EPHB1: variants seen among roughly 807,000 people sequenced by gnomAD.
EPHB1 encodes EPH receptor B1.
EPHB1 carries 30 observed loss-of-function variants against 94.4 expected under a neutral mutation model. The ratio of observed to expected loss-of-function variants is 0.32; its 90% CI spans 0.24 to 0.43. The LOEUF is 0.43. Among genes scored for constraint, EPHB1 ranks in the 20% least tolerant of loss-of-function variants. The pLI, the probability that EPHB1 is intolerant of heterozygous loss-of-function variation, is 1.00. For synonymous variants in EPHB1, 522 were observed against 489.1 expected, an observed-to-expected ratio of 1.07 and a Z score of -0.89; for missense variants, 1,055 against 1,308.3, an observed-to-expected ratio of 0.81 and a Z score of 2.99.
Position 135,260,073 on chromosome 3 carries a change from C to G in EPHB1, c.*953C>G, listed in dbSNP as rs1017080813. On this transcript the variant is annotated 3_prime_UTR_variant, in exon 16 of 16. Coordinates refer to ENST00000398015, the MANE Select transcript of EPHB1 (RefSeq NM_004441.5). The stretch of plus-strand genomic sequence containing the variant: ...AAAAAAAAAAGTTTGCAAATTCAGA[C>G]AGGAAACAGGTGAGTGGTTTGAATT... The G allele has an allele frequency of 5.6e-5, 13 of 232,786 alleles. No homozygotes were observed. The highest frequency in any genetic ancestry group is 1.0e-4 in the Non-Finnish European group (12 of 117,568). The allele number at this position is 232,786 out of a possible 1,614,324, so 14.4% of individuals were successfully genotyped here.
intron 3 of EPHB1, among the ~76,000 whole-genome samples, chr3:135,104,896 A>G (rs1164310505): frequency 6.6e-6 from 1 of 152,226 alleles, no homozygotes. Context: ...ACAGCATAGG[A>G]AACAATTCTT....
intron 2 of EPHB1, among the ~76,000 whole-genome samples, chr3:134,937,259 C>T (rs2107707735): frequency 6.6e-6 from 1 of 152,284 alleles, no homozygotes; most frequent in Admixed American, 6.5e-5. Flanking sequence ...ATCCAAAGTC[C>T]CAGGAAAAAG....
chr3:135,067,026 G>A (rs1197919549), intron 3 of EPHB1, among the ~76,000 whole-genome samples: 1 of 152,214 alleles, frequency 6.6e-6, no homozygotes, highest in African/African-American at 2.4e-5. Flanking sequence ...TCTGCACAGA[G>A]TCCTGTGATG....
chr3:135,201,486 C>T lies in EPHB1; in HGVS notation c.2143C>T (p.Gln715Ter). ...LDSFLRQNDGQFTVIQLVGML... is the reference protein window; with the variant it reads ...LDSFLRQNDG Reference sequence around the variant, plus strand: ...TGTCTTATTACAGCAAAATGACGGGCAGTTCACCGTGATCCAGCTTGTGGG... The same window carrying T: ...TGTCTTATTACAGCAAAATGACGGGTAGTTCACCGTGATCCAGCTTGTGGG... Residue 715 changes from glutamine (Q) to a stop codon, truncating the protein, a stop_gained, in exon 12 of 16, where the codon CAG becomes TAG. Coordinates refer to ENST00000398015, the MANE Select transcript of EPHB1 (RefSeq NM_004441.5). LOFTEE classifies it high-confidence loss of function. The T allele has an allele frequency of 6.2e-7, 1 of 1,613,958 alleles. No homozygotes were observed. The highest frequency in any genetic ancestry group is 1.3e-5 in the African/African-American group (1 of 74,970).
rs767020769 is a variant in EPHB1, at chr3:135,179,906, T to C, written c.1806T>C (p.Asp602=). 6.2e-7 allele frequency: 1 copy of C among 1,613,964 alleles called. No individual in the cohort carries two copies. Among genetic ancestry groups the C allele is most frequent in the Middle Eastern group, 1.6e-4 (1 of 6,062 alleles). The part of the protein sequence containing the change: ...KIYIDPFTYE[D]PNEAVREFAK... ...ACATTGACCCCTTCACTTACGAGGA[T>C]CCCAACGAAGCTGTCCGGGAGTTTG... Residue 602 remains aspartate, a synonymous_variant, in exon 10 of 16, where the codon GAT becomes GAC. Coordinates refer to ENST00000398015, the MANE Select transcript of EPHB1 (RefSeq NM_004441.5).
Position 135,115,735 on chromosome 3 carries a change from A to G in EPHB1, c.961+9132A>G, listed in dbSNP as rs551237235. On this transcript the variant is annotated intron_variant, in intron 4 of 15. Coordinates refer to ENST00000398015, the MANE Select transcript of EPHB1 (RefSeq NM_004441.5). ...TGGGTAGGTCGCCTAACTTATCTGA[A>G]TCTCTATTTTTATGTCCCCCAGAAT... 2.5e-3 allele frequency among the ~76,000 whole-genome samples: 374 copies of G among 152,050 alleles called. 1 individual carries two copies. Among genetic ancestry groups the G allele is most frequent in the Non-Finnish European group, 4.7e-3 (318 of 67,954 alleles).
intron 3 of EPHB1, among the ~76,000 whole-genome samples, chr3:135,094,239 C>T (rs746271914): frequency 2.0e-4 from 31 of 152,246 alleles, no homozygotes; most frequent in Non-Finnish European, 3.8e-4. Context: ...CTCTGTCCCA[C>T]TCCCCTCCAT....
intron 3 of EPHB1, among the ~76,000 whole-genome samples, chr3:134,989,180 A>T (rs951102216): frequency 9.9e-5 from 15 of 152,230 alleles, no homozygotes; most frequent in African/African-American, 3.6e-4. Flanking sequence ...CACAGGTGAC[A>T]TAAATCAGAA....
chr3:135,247,488 A>G (rs1943954758), intron 13 of EPHB1, among the ~76,000 whole-genome samples: 2 of 152,208 alleles, frequency 1.3e-5, no homozygotes, highest in African/African-American at 4.8e-5. Context: ...TTATTTTTTT[A>G]ATGTAAAAAG....
At position 135,135,070 on chromosome 3, in the gene EPHB1, C is replaced by T. The variant is rs373257741; in HGVS notation, c.1297+2021C>T. 5.3e-5 allele frequency among the ~76,000 whole-genome samples: 8 copies of T among 152,248 alleles called. No homozygotes were observed. The South Asian group carries it at 1.5e-3, about 28-fold the overall frequency. ...CTTTTGCACCTCCATGAGCACACTT[C>T]TCATGTGCTTTGTTCCCCCTCTGGC... On this transcript the variant is annotated intron_variant, in intron 5 of 15. Coordinates refer to ENST00000398015, the MANE Select transcript of EPHB1 (RefSeq NM_004441.5).
At chr3:135,113,995 C>G (rs929608373) in intron 4 of EPHB1, among the ~76,000 whole-genome samples, 35 of 152,122 alleles carry the variant, frequency 2.3e-4, no homozygotes, top group African/African-American at 8.5e-4. Flanking sequence ...GATATTGCAA[C>G]CTTGTGTTCA....
chr3:135,162,833 A>T (rs1172187080), intron 7 of EPHB1, among the ~76,000 whole-genome samples: 1 of 152,176 alleles, frequency 6.6e-6, no homozygotes, highest in Admixed American at 6.5e-5. Context: ...AGTTCTGAAA[A>T]ATCTGATTTC....
At chr3:134,853,929 T>A (rs573651756) in intron 1 of EPHB1, among the ~76,000 whole-genome samples, 1 of 152,276 alleles carries the variant, frequency 6.6e-6, no homozygotes, top group East Asian at 1.9e-4. Context: ...GAGTCCTTCC[T>A]GGGAGCCCAT....
intron 10 of EPHB1, among the ~76,000 whole-genome samples, chr3:135,191,276 C>T (rs998626901): frequency 2.0e-5 from 3 of 152,168 alleles, no homozygotes; most frequent in African/African-American, 4.8e-5. Flanking sequence ...TCTACTCCAG[C>T]CCCAGGTTCT....
intron 1 of EPHB1, among the ~76,000 whole-genome samples, chr3:134,914,777 G>T (rs1408835946): frequency 6.6e-6 from 1 of 152,086 alleles, no homozygotes; most frequent in Non-Finnish European, 1.5e-5. Context: ...CAGCAGCAGG[G>T]GGCTTTTACC....
chr3:134,837,726 G>T (rs1267475060), intron 1 of EPHB1, among the ~76,000 whole-genome samples: 2 of 152,332 alleles, frequency 1.3e-5, no homozygotes. Flanking sequence ...CTCTGCTCTG[G>T]CCCTCAGATA....
intron 1 of EPHB1, among the ~76,000 whole-genome samples, chr3:134,894,442 G>A (rs548303706): frequency 6.6e-6 from 1 of 152,320 alleles, no homozygotes; most frequent in South Asian, 2.1e-4. Flanking sequence ...AACCTTCTAA[G>A]AGGTTGTTTA....
intron 1 of EPHB1, among the ~76,000 whole-genome samples, chr3:134,890,849 C>G (rs530700385): frequency 6.6e-6 from 1 of 152,106 alleles, no homozygotes; most frequent in Admixed American, 6.5e-5. Flanking sequence ...TGGGGTTTTT[C>G]TCTTTCAATT....
chr3:134,868,589 GA>G (rs1368375656), intron 1 of EPHB1, among the ~76,000 whole-genome samples: 1 of 152,188 alleles, frequency 6.6e-6, no homozygotes, highest in Non-Finnish European at 1.5e-5. Context: ...TTTGAAGAGG[GA>G]AAGGATCTCA....
Sources: gnomAD v4.1 joint callset for allele counts (sites outside exome capture counted in the v4.1 genomes callset) on GRCh38, gnomAD v4.1.1 for gene constraint, MANE v1.5 for transcripts, NCBI Gene and HGNC (gene_info 2026-07-23, HGNC 2026-07-21) for gene names.